GFM2: variants seen among roughly 807,000 people sequenced by gnomAD.
GFM2 encodes the protein ribosome-releasing factor 2, mitochondrial.
In GFM2, 72 loss-of-function variants were observed where a neutral mutation model predicts 95.4. That is an observed-to-expected ratio of 0.76 (90% CI 0.62 to 0.92). GFM2 has a LOEUF of 0.92. Ranked by LOEUF, GFM2 falls within the 40% of genes least tolerant of loss-of-function variation. The pLI, the probability that GFM2 is intolerant of heterozygous loss-of-function variation, is 0.00. For missense variants in GFM2, 825 were observed against 924.1 expected (o/e 0.89, Z 1.39); for synonymous variants, 276 against 317.5 (o/e 0.87, Z 1.39).
At chr5:74,728,922 G>GT (rs1483300857) in intron 17 of GFM2, among the ~76,000 whole-genome samples, 1 of 151,502 alleles carries the variant, frequency 6.6e-6, no homozygotes, top group African/African-American at 2.4e-5. Context: ...TTCCCAGCTA[G>GT]TTTTTGTATT....
At position 74,726,492 on chromosome 5, in the gene GFM2, CA is replaced by C. The variant is rs1430365399; in HGVS notation, c.1727-367del. ...AAAAAATTAAATGATAAAACCTTTA[CA>C]AATATAAAAGGTAAGCTAATGAAAA... On this transcript the variant is annotated intron_variant, in intron 17 of 20. Transcript: ENST00000296805. Among the ~76,000 whole-genome samples, 5 of 151,126 alleles carry C rather than the reference CA, an allele frequency of 3.3e-5. No individual in the cohort carries two copies. The South Asian group carries it at 6.6e-4, about 20-fold the overall frequency.
At chr5:74,745,530 C>T (rs1743337913) in intron 10 of GFM2, 148 bp downstream of exon 10, 1 of 585,464 alleles carries the variant, frequency 1.7e-6, no homozygotes, top group Non-Finnish European at 3.0e-6. Flanking sequence ...AATACTACAT[C>T]ATTTTATATC....
In GFM2 at chr5:74,728,748, C is replaced by CTTTT. The variant is rs57180600; in HGVS notation, c.1726+1508_1726+1511dup. Among the ~76,000 whole-genome samples the CTTTT allele has an allele frequency of 1.2e-4, 7 of 58,246 alleles. 1 individual carries two copies. Among genetic ancestry groups the CTTTT allele is most frequent in the Non-Finnish European group, 1.8e-4 (5 of 28,374 alleles). The allele number at this position is 58,246 out of a possible 152,430, so 38.2% of individuals were successfully genotyped here. A position where few individuals can be genotyped will look rare whatever the true frequency, so the allele number is the denominator to read the frequency against. On this transcript the variant is annotated intron_variant, in intron 17 of 20. Coordinates refer to ENST00000296805, the MANE Select transcript of GFM2 (RefSeq NM_032380.5). ...AATATTCTTTTATGTGTGGGGGTTT[C>CTTTT]TTTTTTTTTTTTTTTTTTTTTTTTT...
chr5:74,728,265 C>T (rs373439136), intron 17 of GFM2, among the ~76,000 whole-genome samples: 1 of 151,900 alleles, frequency 6.6e-6, no homozygotes, highest in African/African-American at 2.4e-5. Flanking sequence ...GACTTACCAA[C>T]AAATAAACAG....
intron 12 of GFM2, 48 bp from the exon 13 acceptor site, chr5:74,738,690 A>G: frequency 6.5e-7 from 1 of 1,536,926 alleles, no homozygotes; most frequent in South Asian, 1.2e-5. Flanking sequence ...ACTTCCCATA[A>G]CTGCAGAAAC....
intron 12 of GFM2, 25 bp from the exon 13 acceptor site, chr5:74,738,667 G>A: frequency 1.3e-6 from 2 of 1,586,572 alleles, no homozygotes; most frequent in Non-Finnish European, 1.7e-6. Context: ...TTCCAAAAAG[G>A]CCTATAAAAT....
chr5:74,742,018 G>A (rs1743134299), intron 10 of GFM2, among the ~76,000 whole-genome samples: 2 of 152,130 alleles, frequency 1.3e-5, no homozygotes, highest in South Asian at 4.1e-4. Flanking sequence ...ATGTTCACCA[G>A]ATCTCCCAAG....
intron 15 of GFM2, chr5:74,733,368 A>G: frequency 3.5e-6 from 1 of 285,962 alleles, no homozygotes. Flanking sequence ...AAACAGCCAT[A>G]CATACTGCAG....
chr5:74,741,465 C>CAG, intron 11 of GFM2, 64 bp downstream of exon 11: 1 of 763,348 alleles, frequency 1.3e-6, no homozygotes. Context: ...ACATCAAAGG[C>CAG]AGAGAAATCA....
chr5:74,730,162 G>C, intron 17 of GFM2, 98 bp downstream of exon 17: 1 of 1,139,894 alleles, frequency 8.8e-7, no homozygotes, highest in Non-Finnish European at 1.2e-6. Flanking sequence ...TCCTCTGATA[G>C]AAGACATTAG....
chr5:74,758,779 G>C (rs1392395429), intron 5 of GFM2, 70 bp downstream of exon 5: 10 of 976,976 alleles, frequency 1.0e-5, no homozygotes, highest in Non-Finnish European at 1.6e-5. Flanking sequence ...AAGTTGACTT[G>C]TTAACCAAAA....
At chr5:74,745,291 G>A (rs1743321865) in intron 10 of GFM2, among the ~76,000 whole-genome samples, 1 of 152,198 alleles carries the variant, frequency 6.6e-6, no homozygotes, top group Non-Finnish European at 1.5e-5. Flanking sequence ...GCTGCAGTGA[G>A]CTGAGATTGT....
At chr5:74,763,578 A>C (rs1744392534) in intron 2 of GFM2, 102 bp downstream of exon 2, 12 of 634,574 alleles carry the variant, frequency 1.9e-5, no homozygotes, top group Non-Finnish European at 3.5e-5. Flanking sequence ...GTTATGACTC[A>C]ACTAAATTTG....
At chr5:74,764,467 G>A (rs530840116) in intron 1 of GFM2, among the ~76,000 whole-genome samples, 2 of 152,024 alleles carry the variant, frequency 1.3e-5, no homozygotes, top group African/African-American at 4.8e-5. Context: ...ACATAAATTC[G>A]TAAACTTTCT....
At chr5:74,739,919 T>G in intron 12 of GFM2, 70 bp downstream of exon 12, 1 of 1,138,640 alleles carries the variant, frequency 8.8e-7, no homozygotes, top group Non-Finnish European at 1.2e-6. Context: ...TTAACTACTT[T>G]TCATAAAAGT....
At chr5:74,765,786 C>G (rs1269154479) in intron 1 of GFM2, among the ~76,000 whole-genome samples, 2 of 151,778 alleles carry the variant, frequency 1.3e-5, no homozygotes, top group Non-Finnish European at 2.9e-5. Flanking sequence ...CACCTGAAGT[C>G]AGGAGTTCGA....
chr5:74,725,954 G>A lies in GFM2; in HGVS notation c.1899C>T (p.Ser633=), dbSNP rs751813986. The A allele has an allele frequency of 8.7e-6, 14 of 1,610,018 alleles. No homozygotes were observed. The Admixed American group carries it at 1.7e-4, about 19-fold the overall frequency. ...SQEAIENGIH[S]ACLQGPLLGS... is the part of the protein sequence containing the mutation. ...TGAGTGTCTTACCTTGGAGACATGCGCTGTGAATTCCATTTTCAATGGCCT... is the reference window on the plus strand; with the variant it reads ...TGAGTGTCTTACCTTGGAGACATGCACTGTGAATTCCATTTTCAATGGCCT... Residue 633 remains serine, a synonymous_variant, in exon 18 of 21, where the codon AGC becomes AGT. Coordinates refer to ENST00000296805, the MANE Select transcript of GFM2 (RefSeq NM_032380.5).
At chr5:74,742,977 T>C (rs757620211) in intron 10 of GFM2, among the ~76,000 whole-genome samples, 3 of 152,220 alleles carry the variant, frequency 2.0e-5, no homozygotes, top group South Asian at 2.1e-4. Flanking sequence ...CACTGTACTC[T>C]TGCACAGTTC....
At chr5:74,730,112 C>G (rs1439524757) in intron 17 of GFM2, 148 bp downstream of exon 17, 1 of 685,734 alleles carries the variant, frequency 1.5e-6, no homozygotes, top group African/African-American at 1.8e-5. Flanking sequence ...AAAACAAAAT[C>G]CTAAAAAAAC....
Sources: gnomAD v4.1 joint callset for allele counts (sites outside exome capture counted in the v4.1 genomes callset) on GRCh38, gnomAD v4.1.1 for gene constraint, MANE v1.5 for transcripts, NCBI Gene and HGNC (gene_info 2026-07-23, HGNC 2026-07-21) for gene names.